The following TMCO4 variants were observed in gnomAD, a reference collection of about 807,000 sequenced individuals.
The protein encoded by TMCO4 is transmembrane and coiled-coil domains 4.
In TMCO4, 58 loss-of-function variants were observed where a neutral mutation model predicts 64.7. That is an observed-to-expected ratio of 0.90 (90% confidence interval 0.73 to 1.12). The LOEUF is 1.12. Ranked by LOEUF, TMCO4 falls within the 50% of genes most tolerant of loss-of-function variation. TMCO4 has a pLI of 0.00. For synonymous variants in TMCO4, 325 were observed against 346.1 expected, an observed-to-expected ratio of 0.94 and a Z score of 0.68; for missense variants, 780 against 825.9, an observed-to-expected ratio of 0.94 and a Z score of 0.68.
intron 2 of TMCO4, among the ~76,000 whole-genome samples, chr1:19,793,048 A>G (rs115022331): frequency 0.03 from 4,566 of 151,990 alleles, 230 homozygotes; most frequent in African/African-American, 0.1. Flanking sequence ...AGGATTACAG[A>G]CGTGAGCCAC....
intron 14 of TMCO4, among the ~76,000 whole-genome samples, chr1:19,697,340 C>T (rs4912145): frequency 0.54 from 81,890 of 151,184 alleles, 23,180 homozygotes; most frequent in Non-Finnish European, 0.64. Context: ...TCATTGCAGC[C>T]TCTGCCTCCT....
chr1:19,695,387 G>A (rs966112057), intron 14 of TMCO4, among the ~76,000 whole-genome samples: 1 of 152,230 alleles, frequency 6.6e-6, no homozygotes, highest in African/African-American at 2.4e-5. Flanking sequence ...CCATCCCAGA[G>A]CCATGCCCTC....
chr1:19,745,617 T>A lies in TMCO4; in HGVS notation c.792A>T (p.Glu264Asp). 3.7e-6 allele frequency: 6 copies of A among 1,613,752 alleles called. No individual in the cohort carries two copies. Among genetic ancestry groups the A allele is most frequent in the Non-Finnish European group, 5.1e-6 (6 of 1,179,768 alleles). The change falls in exon 10 of 16, where the codon GAA becomes GAT. Residue 264 changes from glutamate to aspartate, a missense_variant. Physicochemically the swap from Glu to Asp is conservative, Grantham distance 45. Coordinates refer to ENST00000294543, the MANE Select transcript of TMCO4 (RefSeq NM_181719.7). ...CCGTCAGAGGCAGAAACGTGAACTCTTCAATGGCTCCCACTCGCTTCTTCA... is the reference window on the plus strand; with the variant it reads ...CCGTCAGAGGCAGAAACGTGAACTCATCAATGGCTCCCACTCGCTTCTTCA... ...YKMKKRVGAIEEFTFLPLTEG... is the reference protein window; with the variant it reads ...YKMKKRVGAIDEFTFLPLTEG...
chr1:19,771,186 TATG>T, intron 5 of TMCO4, 119 bp downstream of exon 5: 1 of 1,002,540 alleles, frequency 1.0e-6, no homozygotes, highest in East Asian at 2.4e-5. Flanking sequence ...GATATGATAT[TATG>T]ATGACATATT....
chr1:19,752,597 GAGAGGTCTAC>G (rs1333459931), intron 7 of TMCO4, among the ~76,000 whole-genome samples: 1 of 152,068 alleles, frequency 6.6e-6, no homozygotes, highest in African/African-American at 2.4e-5. Flanking sequence ...GCTTATCACT[GAGAGGTCTAC>G]AGACACTTTC....
At position 19,734,738 on chromosome 1, in the gene TMCO4, A is replaced by G. The variant is rs533426377; in HGVS notation, c.1264+2634T>C. On this transcript the variant is annotated intron_variant, in intron 13 of 15. Coordinates refer to ENST00000294543, the MANE Select transcript of TMCO4 (RefSeq NM_181719.7). This position sits in a 1 kb window ranked among gnomAD's most constrained non-coding sequence, Gnocchi z 4.4. Reference sequence around the variant, plus strand: ...AGTCCAGCTGCCGTCTGCCAAATACAGCATAGTGGTTAGGAGTGAGGGCTC... The same window carrying G: ...AGTCCAGCTGCCGTCTGCCAAATACGGCATAGTGGTTAGGAGTGAGGGCTC... Among the ~76,000 whole-genome samples the G allele has an allele frequency of 5.8e-4, 89 of 152,148 alleles. 2 individuals are homozygous for G. The highest frequency in any genetic ancestry group is 2.1e-3 in the African/African-American group (88 of 41,512).
intron 7 of TMCO4, among the ~76,000 whole-genome samples, chr1:19,750,812 C>T (rs879711316): frequency 3.3e-5 from 5 of 152,182 alleles, no homozygotes; most frequent in African/African-American, 1.2e-4. Context: ...AGGAGTCAGC[C>T]GAGATGGGAC....
At position 19,694,689 on chromosome 1, in the gene TMCO4, T is replaced by TG. The variant is rs2095223973; in HGVS notation, c.1383-139dup. ...GAAAACAGGGCCCCTGATTGCACGG[T>TG]GGGGATGGAAGATGAAGCAGCCACA... On this transcript the variant is annotated intron_variant, in intron 14 of 15. Coordinates refer to ENST00000294543, the MANE Select transcript of TMCO4 (RefSeq NM_181719.7). The TG allele has an allele frequency of 4.1e-6, 3 of 732,070 alleles. No individual in the cohort carries two copies. In the East Asian group the frequency reaches 7.9e-5, roughly 19 times the overall value. The allele number at this position is 732,070 out of a possible 1,614,324, so 45.3% of individuals were successfully genotyped here. A position where few individuals can be genotyped will look rare whatever the true frequency, so the allele number is the denominator to read the frequency against.
At chr1:19,703,556 C>CT (rs1170483915) in intron 13 of TMCO4, among the ~76,000 whole-genome samples, 1,376 of 122,176 alleles carry the variant, frequency 0.011, 26 homozygotes, top group South Asian at 0.029. Flanking sequence ...TTTTCTTCCT[C>CT]TTTTTTTTTT....
At chr1:19,701,462 G>A (rs529522758) in intron 13 of TMCO4, among the ~76,000 whole-genome samples, 13 of 152,122 alleles carry the variant, frequency 8.5e-5, no homozygotes, top group Admixed American at 2.6e-4. Context: ...GTGAGCCACC[G>A]CAGCCAGTCT....
chr1:19,732,842 T>C lies in TMCO4; in HGVS notation c.1264+4530A>G, dbSNP rs968280142. Reference sequence around the variant, plus strand: ...CCACCGGGTTCATCTTGGAGTCAGATTCCTATCAGATTCTTGTTATTTGGA... The same window carrying C: ...CCACCGGGTTCATCTTGGAGTCAGACTCCTATCAGATTCTTGTTATTTGGA... On this transcript the variant is annotated intron_variant, in intron 13 of 15. Transcript: ENST00000294543. This position sits in a 1 kb window ranked among gnomAD's most constrained non-coding sequence, Gnocchi z 4.8. Among the ~76,000 whole-genome samples, 3 of 152,238 alleles carry C rather than the reference T, an allele frequency of 2.0e-5. No homozygotes were observed. Among genetic ancestry groups the C allele is most frequent in the African/African-American group, 7.2e-5 (3 of 41,470 alleles).
At chr1:19,757,781 G>A (rs551529546) in intron 6 of TMCO4, among the ~76,000 whole-genome samples, 1 of 152,120 alleles carries the variant, frequency 6.6e-6, no homozygotes, top group Non-Finnish European at 1.5e-5. Context: ...TACCTGGGGT[G>A]TGACAATAAG....
Position 19,746,398 on chromosome 1 carries a change from G to C in TMCO4, c.757+58C>G. The stretch of plus-strand genomic sequence containing the variant: ...TGAGGATCCAGGCATGTCCTTTTAG[G>C]AACTGGGCCACCCTGGCTGAAAATT... On this transcript the variant is annotated intron_variant, in intron 9 of 15. Coordinates refer to ENST00000294543, the MANE Select transcript of TMCO4 (RefSeq NM_181719.7). 25 of 1,601,770 alleles carry C rather than the reference G, an allele frequency of 1.6e-5. 1 individual carries two copies. The South Asian group carries it at 2.6e-4, about 17-fold the overall frequency.
chr1:19,788,124 ATTAAG>A (rs2043837304), intron 2 of TMCO4, among the ~76,000 whole-genome samples: 3 of 152,140 alleles, frequency 2.0e-5, no homozygotes, highest in Admixed American at 2.0e-4. Flanking sequence ...TGGGGTTTTT[ATTAAG>A]TTATCAGTGG....
At chr1:19,764,990 A>G (rs1348345542) in intron 6 of TMCO4, among the ~76,000 whole-genome samples, 1 of 152,066 alleles carries the variant, frequency 6.6e-6, no homozygotes, top group East Asian at 1.9e-4. Flanking sequence ...AGTAATAAAT[A>G]CCAGGCCAGA....
At chr1:19,796,296 G>T (rs1044399515) in intron 2 of TMCO4, among the ~76,000 whole-genome samples, 5 of 152,142 alleles carry the variant, frequency 3.3e-5, no homozygotes, top group Non-Finnish European at 7.3e-5. Flanking sequence ...ACTAAGGTGG[G>T]GGGTCAGGGG....
At chr1:19,708,334 T>C (rs1011465948) in intron 13 of TMCO4, among the ~76,000 whole-genome samples, 4 of 151,640 alleles carry the variant, frequency 2.6e-5, no homozygotes, top group African/African-American at 9.7e-5. Flanking sequence ...CCTGAGACGG[T>C]GCTTTACCAC....
intron 1 of TMCO4, among the ~76,000 whole-genome samples, chr1:19,798,683 T>G (rs1208228385): frequency 2.0e-5 from 3 of 152,224 alleles, no homozygotes; most frequent in Non-Finnish European, 2.9e-5. Flanking sequence ...GCTGTCTTCA[T>G]GTACTTCACA....
intron 4 of TMCO4, among the ~76,000 whole-genome samples, chr1:19,776,649 G>A (rs1034376977): frequency 1.3e-5 from 2 of 152,294 alleles, no homozygotes; most frequent in African/African-American, 2.4e-5. Flanking sequence ...CTTGGATGGT[G>A]TTGCCAACAG....
Sources: gnomAD v4.1 joint callset for allele counts (sites outside exome capture counted in the v4.1 genomes callset) on GRCh38, gnomAD v4.1.1 for gene constraint, Gnocchi (gnomAD v3.1) non-coding constraint, MANE v1.5 for transcripts, NCBI Gene and HGNC (gene_info 2026-07-23, HGNC 2026-07-21) for gene names.